SOX12: variants seen among roughly 807,000 people sequenced by gnomAD.
SOX12 encodes the protein transcription factor SOX-12.
SOX12 carries 8 observed loss-of-function variants against 21.5 expected under a neutral mutation model. The observed-to-expected ratio is 0.37, with a 90% CI of 0.22 to 0.67. SOX12 has a LOEUF of 0.67. Ranked by LOEUF, SOX12 falls within the 30% of genes least tolerant of loss-of-function variation. SOX12 has a pLI of 0.56. For synonymous variants in SOX12, 235 were observed against 224.2 expected (o/e 1.05, Z -0.43); for missense variants, 400 against 482.6 (o/e 0.83, Z 1.60).
rs1249119424 is a variant in SOX12 at position 328,520 on chromosome 20, T to C, written c.*1648T>C. 0.018 allele frequency: 2,334 copies of C among 132,112 alleles called. 61 individuals carry two copies. Among genetic ancestry groups the C allele is most frequent in the African/African-American group, 0.074 (2,149 of 29,206 alleles). The allele number at this position is 132,112 out of a possible 1,614,324, so 8.2% of individuals were successfully genotyped here. A position where few individuals can be genotyped will look rare whatever the true frequency, so the allele number is the denominator to read the frequency against. On this transcript the variant is annotated 3_prime_UTR_variant, in exon 1 of 1. Coordinates refer to ENST00000342665, the MANE Select transcript of SOX12 (RefSeq NM_006943.4). ...CTCTGGGCCTTTCTTGCGCTCTATT[T>C]TTTTTTTTTTTTTTTTTAAGAAAAA...
In SOX12 at chr20:326,754, A is replaced by G. The variant is rs1442865208; in HGVS notation, c.830A>G (p.Gln277Arg). ...GCCCTGGATCGCGACCCGGACCTGC[A>G]GCCTCCCTCGGGCACGTCGCACTTC... is the stretch of plus-strand genomic sequence containing the variant. ...CSALDRDPDLQPPSGTSHFEF... is the reference protein window; with the variant it reads ...CSALDRDPDLRPPSGTSHFEF... The change falls in exon 1 of 1, where the codon CAG (glutamine) becomes CGG (arginine). Residue 277 changes from glutamine (Q) to arginine (R), a missense_variant. This residue lies in a region of SOX12 where 235 missense variants were observed against 219.3 expected (regional missense o/e 1.07). Coordinates refer to ENST00000342665, the MANE Select transcript of SOX12 (RefSeq NM_006943.4). The surrounding 1 kb of genome is among the most constrained non-coding windows in gnomAD (Gnocchi z 9.9). The G allele has an allele frequency of 6.2e-7, 1 of 1,612,860 alleles. No homozygotes were observed. Among genetic ancestry groups the G allele is most frequent in the South Asian group, 1.1e-5 (1 of 91,004 alleles).
chr20:327,278 G>C lies in SOX12; in HGVS notation c.*406G>C. On this transcript the variant is annotated 3_prime_UTR_variant, in exon 1 of 1. Transcript: ENST00000342665. ...CCCGGCCCGCCTTCTCTGGGTTAGG[G>C]GGGCGATGCGGCCGGGTGGCAACGC... 4.6e-6 allele frequency: 1 copy of C among 216,090 alleles called. No homozygotes were observed. The highest frequency in any genetic ancestry group is 1.0e-5 in the Non-Finnish European group (1 of 98,278). 13.4% of individuals were successfully genotyped at this position (216,090 alleles called of 1,614,324 possible).
rs1346650910 is a variant in SOX12 at position 327,597 on chromosome 20, G to A, written c.*725G>A. The A allele has an allele frequency of 6.0e-6, 1 of 167,210 alleles. No homozygotes were observed. The highest frequency in any genetic ancestry group is 1.9e-4 in the East Asian group (1 of 5,182). The allele number at this position is 167,210 out of a possible 1,614,324, so 10.4% of individuals were successfully genotyped here. A position where few individuals can be genotyped will look rare whatever the true frequency, so the allele number is the denominator to read the frequency against. ...GAGGAGCACTCGGAAGGGTTGGTTT[G>A]GGCCTGAAACTCTCCCAAGTGGCAT... On this transcript the variant is annotated 3_prime_UTR_variant, in exon 1 of 1. Coordinates refer to ENST00000342665, the MANE Select transcript of SOX12 (RefSeq NM_006943.4).
At position 327,113 on chromosome 20, in the gene SOX12, A is replaced by G; in HGVS notation, c.*241A>G. The G allele has an allele frequency of 1.9e-6, 1 of 527,736 alleles. No homozygotes were observed. Among genetic ancestry groups the G allele is most frequent in the Non-Finnish European group, 3.4e-6 (1 of 291,514 alleles). The allele number at this position is 527,736 out of a possible 1,614,324, so 32.7% of individuals were successfully genotyped here. A position where few individuals can be genotyped will look rare whatever the true frequency, so the allele number is the denominator to read the frequency against. On this transcript the variant is annotated 3_prime_UTR_variant, in exon 1 of 1. Transcript: ENST00000342665. Reference sequence around the variant, plus strand: ...CCCTCCCCACGTCGCCCCCTCCTGCACAGCCACCAGCAGCCAGCCCCCTCC... The same window carrying G: ...CCCTCCCCACGTCGCCCCCTCCTGCGCAGCCACCAGCAGCCAGCCCCCTCC...
rs1245263689 is a variant in SOX12, at chr20:328,933, G to T, written c.*2061G>T. On this transcript the variant is annotated 3_prime_UTR_variant, in exon 1 of 1. Transcript: ENST00000342665. ...TAGGGACCAGGCAGGTAACATAGAC[G>T]AGTGACTCTGGGTGGACAGTGGTGT... 6.0e-6 allele frequency: 1 copy of T among 167,114 alleles called. No individual in the cohort carries two copies. The highest frequency in any genetic ancestry group is 1.5e-5 in the Non-Finnish European group (1 of 68,168). The allele number at this position is 167,114 out of a possible 1,614,324, so 10.4% of individuals were successfully genotyped here. A position where few individuals can be genotyped will look rare whatever the true frequency, so the allele number is the denominator to read the frequency against.
rs1244152099 is a variant in SOX12, at chr20:327,370, G to A, written c.*498G>A. ...CACCCCTTTTATCCCCGGAGCGCTA[G>A]GGCCCGCCCCTCCGCTGGGGCCCAC... is the stretch of plus-strand genomic sequence containing the variant. On this transcript the variant is annotated 3_prime_UTR_variant, in exon 1 of 1. Transcript: ENST00000342665. 1 of 187,324 alleles carries A rather than the reference G, an allele frequency of 5.3e-6. No homozygotes were observed. Among genetic ancestry groups the A allele is most frequent in the Admixed American group, 6.0e-5 (1 of 16,608 alleles). The allele number at this position is 187,324 out of a possible 1,614,324, so 11.6% of individuals were successfully genotyped here. A position where few individuals can be genotyped will look rare whatever the true frequency, so the allele number is the denominator to read the frequency against.
Position 328,540 on chromosome 20 carries a change from G to C in SOX12, c.*1668G>C, listed in dbSNP as rs115703742. The C allele has an allele frequency of 1.5e-5, 2 of 130,548 alleles. No homozygotes were observed. Among genetic ancestry groups the C allele is most frequent in the Non-Finnish European group, 3.4e-5 (2 of 58,754 alleles). The allele number at this position is 130,548 out of a possible 1,614,324, so 8.1% of individuals were successfully genotyped here. On this transcript the variant is annotated 3_prime_UTR_variant, in exon 1 of 1. Coordinates refer to ENST00000342665, the MANE Select transcript of SOX12 (RefSeq NM_006943.4). The stretch of plus-strand genomic sequence containing the variant: ...CTATTTTTTTTTTTTTTTTTTTTAA[G>C]AAAAACAACAACAACAAAAAAAGAC...
rs532546428 is a variant in SOX12 at position 327,275 on chromosome 20, AG to A, written c.*409del. The A allele has an allele frequency of 1.5e-4, 33 of 213,712 alleles. No homozygotes were observed. The South Asian group carries it at 2.2e-3, about 14-fold the overall frequency. The allele number at this position is 213,712 out of a possible 1,614,324, so 13.2% of individuals were successfully genotyped here. On this transcript the variant is annotated 3_prime_UTR_variant, in exon 1 of 1. Transcript: ENST00000342665. The stretch of plus-strand genomic sequence containing the variant: ...TCGCCCGGCCCGCCTTCTCTGGGTT[AG>A]GGGGGCGATGCGGCCGGGTGGCAAC...
At position 326,824 on chromosome 20, in the gene SOX12, G is replaced by A. The variant is rs944596901; in HGVS notation, c.900G>A (p.Ala300=). 4.9e-5 allele frequency: 79 copies of A among 1,613,360 alleles called. No homozygotes were observed. Among genetic ancestry groups the A allele is most frequent in the Non-Finnish European group, 6.5e-5 (77 of 1,179,904 alleles). ...CCCCCGAGGTTACCGAGATGATCGC[G>A]GGGGACTGGCGCCCGTCTAGCATCG... ...YCTPEVTEMI[A]GDWRPSSIAD... is the part of the protein sequence containing the mutation. The change falls in exon 1 of 1, where the codon GCG becomes GCA. Residue 300 remains alanine, a synonymous_variant. Coordinates refer to ENST00000342665, the MANE Select transcript of SOX12 (RefSeq NM_006943.4). This position sits in a 1 kb window ranked among gnomAD's most constrained non-coding sequence, Gnocchi z 9.9.
rs1186825185 is a variant in SOX12, at chr20:326,446, G to C, written c.522G>C (p.Leu174=). 1.1e-5 allele frequency: 15 copies of C among 1,374,214 alleles called. No individual in the cohort carries two copies. Among genetic ancestry groups the C allele is most frequent in the African/African-American group, 1.5e-5 (1 of 65,108 alleles). 85.1% of individuals were successfully genotyped at this position (1,374,214 alleles called of 1,614,324 possible). The change falls in exon 1 of 1, where the codon CTG becomes CTC. Residue 174 remains leucine, a synonymous_variant. Transcript: ENST00000342665. The surrounding 1 kb of genome is among the most constrained non-coding windows in gnomAD (Gnocchi z 9.9). ...DDDEDDDEEL[L]EVRLVETPGR... The stretch of plus-strand genomic sequence containing the variant: ...ATGAAGACGACGACGAGGAGCTGCT[G>C]GAAGTGCGCCTGGTCGAGACCCCGG...
rs374987024 is a variant in SOX12 at position 326,557 on chromosome 20, G to GGCC, written c.649_651dup (p.Ala217dup). 5.3e-4 allele frequency: 804 copies of GGCC among 1,515,796 alleles called. 7 individuals are homozygous for GGCC. The highest frequency in any genetic ancestry group is 5.2e-3 in the African/African-American group (367 of 70,880). 93.9% of individuals were successfully genotyped at this position (1,515,796 alleles called of 1,614,324 possible). On this transcript the variant is annotated inframe_insertion, in exon 1 of 1. Transcript: ENST00000342665. This position sits in a 1 kb window ranked among gnomAD's most constrained non-coding sequence, Gnocchi z 9.9. ...CCCAAGGGCCGTCGGGCGAGGGGGC[G>GGCC]GCCGCCGCCGCCGCCGCCTCCCCGA...
rs1280095604 is a variant in SOX12 at position 328,602 on chromosome 20, C to T, written c.*1730C>T. 6.1e-6 allele frequency: 1 copy of T among 162,720 alleles called. No homozygotes were observed. The highest frequency in any genetic ancestry group is 2.5e-5 in the African/African-American group (1 of 40,684). The allele number at this position is 162,720 out of a possible 1,614,324, so 10.1% of individuals were successfully genotyped here. A position where few individuals can be genotyped will look rare whatever the true frequency, so the allele number is the denominator to read the frequency against. ...AAACGTCATGTGAGTGAAGAGATGT[C>T]ACTGTCTGTGGTCTTGGAGAACTAG... On this transcript the variant is annotated 3_prime_UTR_variant, in exon 1 of 1. Transcript: ENST00000342665.
In SOX12 at chr20:330,185, T is replaced by A. The variant is rs1260788424; in HGVS notation, c.*3313T>A. ...CTGCTTCCTCTTCTTCCTCTTCTTT[T>A]CACAGGTGCTTATTCCTAATAAACA... On this transcript the variant is annotated 3_prime_UTR_variant, in exon 1 of 1. Coordinates refer to ENST00000342665, the MANE Select transcript of SOX12 (RefSeq NM_006943.4). 1 of 166,884 alleles carries A rather than the reference T, an allele frequency of 6.0e-6. No individual in the cohort carries two copies. The highest frequency in any genetic ancestry group is 2.4e-5 in the African/African-American group (1 of 41,464). The allele number at this position is 166,884 out of a possible 1,614,324, so 10.3% of individuals were successfully genotyped here.
chr20:328,503 C>G lies in SOX12; in HGVS notation c.*1631C>G, dbSNP rs2013141595. 1 of 160,190 alleles carries G rather than the reference C, an allele frequency of 6.2e-6. No individual in the cohort carries two copies. The highest frequency in any genetic ancestry group is 1.5e-5 in the Non-Finnish European group (1 of 67,516). The allele number at this position is 160,190 out of a possible 1,614,324, so 9.9% of individuals were successfully genotyped here. On this transcript the variant is annotated 3_prime_UTR_variant, in exon 1 of 1. Transcript: ENST00000342665. ...TAAGCTTGGTGCTCCGGCTCTGGGC[C>G]TTTCTTGCGCTCTATTTTTTTTTTT...
Position 326,240 on chromosome 20 carries a change from G to A in SOX12, c.316G>A (p.Asp106Asn), listed in dbSNP as rs2013084704. The A allele has an allele frequency of 6.4e-7, 1 of 1,573,872 alleles. No individual in the cohort carries two copies. Among genetic ancestry groups the A allele is most frequent in the South Asian group, 1.2e-5 (1 of 86,070 alleles). Residue 106 changes from aspartate to asparagine, a missense_variant, in exon 1 of 1, where the codon GAC (aspartate) becomes AAC (asparagine). By Grantham distance (23) the Asp-to-Asn change is conservative. Transcript: ENST00000342665. This position sits in a 1 kb window ranked among gnomAD's most constrained non-coding sequence, Gnocchi z 9.9. ...GCTCAAGCACATGGCGGATTACCCG[G>A]ACTACAAGTACCGGCCGCGCAAAAA... ...LRLKHMADYP[D>N]YKYRPRKKSK... is the part of the protein sequence containing the mutation.
At position 326,515 on chromosome 20, in the gene SOX12, G is replaced by C. The variant is rs1188824765; in HGVS notation, c.591G>C (p.Arg197=). The C allele has an allele frequency of 1.2e-5, 18 of 1,454,704 alleles. No homozygotes were observed. The East Asian group carries it at 4.5e-4, about 36-fold the overall frequency. The allele number at this position is 1,454,704 out of a possible 1,614,324, so 90.1% of individuals were successfully genotyped here. The change falls in exon 1 of 1, where the codon CGG becomes CGC. Residue 197 remains arginine, a synonymous_variant. Coordinates refer to ENST00000342665, the MANE Select transcript of SOX12 (RefSeq NM_006943.4). This position sits in a 1 kb window ranked among gnomAD's most constrained non-coding sequence, Gnocchi z 9.9. ...TGGTCCCGGCGGGACGGGCCGCTCG[G>C]GGACAAGCGGAGCGCGCCCAAGGGC... ...WRMVPAGRAA[R]GQAERAQGPS...
chr20:326,921 C>T lies in SOX12; in HGVS notation c.*49C>T. 1 of 1,590,956 alleles carries T rather than the reference C, an allele frequency of 6.3e-7. No homozygotes were observed. Among genetic ancestry groups the T allele is most frequent in the Non-Finnish European group, 8.6e-7 (1 of 1,160,066 alleles). On this transcript the variant is annotated 3_prime_UTR_variant, in exon 1 of 1. Transcript: ENST00000342665. The surrounding 1 kb of genome is among the most constrained non-coding windows in gnomAD (Gnocchi z 9.9). ...CGCCCCCAAACCAGCTGTTTACATA[C>T]AGGAATCAGGTATTGGGGCCCCTCG... is the stretch of plus-strand genomic sequence containing the variant.
Position 325,836 on chromosome 20 carries a change from C to T in SOX12, c.-89C>T. 1.4e-6 allele frequency: 1 copy of T among 715,096 alleles called. No homozygotes were observed. Among genetic ancestry groups the T allele is most frequent in the Non-Finnish European group, 1.7e-6 (1 of 577,662 alleles). The allele number at this position is 715,096 out of a possible 1,614,324, so 44.3% of individuals were successfully genotyped here. ...GCCGAGCCGCGGGGCGGGGCCGCCC[C>T]TCCGTCGCCGCTGCCTCCTCCCCCA... On this transcript the variant is annotated 5_prime_UTR_variant, in exon 1 of 1. Transcript: ENST00000342665. The surrounding 1 kb of genome is among the most constrained non-coding windows in gnomAD (Gnocchi z 5.0).
Position 326,368 on chromosome 20 carries a change from C to G in SOX12, c.444C>G (p.Arg148=). 1 of 1,297,504 alleles carries G rather than the reference C, an allele frequency of 7.7e-7. No individual in the cohort carries two copies. Among genetic ancestry groups the G allele is most frequent in the Non-Finnish European group, 9.8e-7 (1 of 1,024,658 alleles). The allele number at this position is 1,297,504 out of a possible 1,614,324, so 80.4% of individuals were successfully genotyped here. ...PGPQLPGRGG[R]RAAGGPLGGG... is the part of the protein sequence containing the mutation. ...CGCAGCTGCCTGGCCGCGGGGGCCG[C>G]CGAGCAGCGGGAGGGCCTTTGGGGG... Residue 148 remains arginine (R), a synonymous_variant, in exon 1 of 1, where the codon CGC becomes CGG. Coordinates refer to ENST00000342665, the MANE Select transcript of SOX12 (RefSeq NM_006943.4). This position sits in a 1 kb window ranked among gnomAD's most constrained non-coding sequence, Gnocchi z 9.9.
Sources: allele counts gnomAD v4.1 joint callset, GRCh38; gene constraint gnomAD v4.1.1; regional missense constraint gnomAD v4.1.1; non-coding constraint Gnocchi (gnomAD v3.1); transcripts MANE v1.5; gene names NCBI Gene and HGNC (gene_info 2026-07-23, HGNC 2026-07-21).